GIPC2: variants seen among roughly 807,000 people sequenced by gnomAD.
The protein encoded by GIPC2 is GIPC PDZ domain containing family member 2.
Under a neutral mutation model 30.6 loss-of-function variants are expected in GIPC2, and 30 were observed. The observed-to-expected ratio is 0.98, with a 90% CI of 0.73 to 1.33. GIPC2 has a LOEUF of 1.33. Ranked by LOEUF, GIPC2 falls within the 40% of genes most tolerant of loss-of-function variation. The pLI, the probability that GIPC2 is intolerant of heterozygous loss-of-function variation, is 0.00. For synonymous variants in GIPC2, 167 were observed against 150.0 expected, an observed-to-expected ratio of 1.11 and a Z score of -0.83; for missense variants, 414 against 390.3, an observed-to-expected ratio of 1.06 and a Z score of -0.51.
At chr1:78,050,264 C>T (rs1661171490) in intron 1 of GIPC2, among the ~76,000 whole-genome samples, 2 of 152,278 alleles carry the variant, frequency 1.3e-5, no homozygotes, top group South Asian at 4.1e-4. Context: ...TAAACACTAA[C>T]CTGGAAAAAC....
chr1:78,060,422 G>A (rs1205284645), intron 1 of GIPC2, among the ~76,000 whole-genome samples: 1 of 152,084 alleles, frequency 6.6e-6, no homozygotes, highest in East Asian at 1.9e-4. Context: ...TGGGATTATA[G>A]GTGTGTACCA....
chr1:78,125,961 A>G lies in GIPC2; in HGVS notation c.795A>G (p.Leu265=). The G allele has an allele frequency of 7.0e-7, 1 of 1,420,980 alleles. No individual in the cohort carries two copies. The highest frequency in any genetic ancestry group is 1.0e-6 in the Non-Finnish European group (1 of 1,004,562). 88.0% of individuals were successfully genotyped at this position (1,420,980 alleles called of 1,614,324 possible). Reference sequence around the variant, plus strand: ...ACATGGGAATTCGAGATATTGATTTAGGTAAGATTATACTATTTAAAAAAG... The same window carrying G: ...ACATGGGAATTCGAGATATTGATTTGGGTAAGATTATACTATTTAAAAAAG... The part of the protein sequence containing the change: ...ELYMGIRDID[L]ATTMFEAGKD... The change falls in exon 5 of 6, where the codon TTA becomes TTG. Residue 265 remains leucine, a splice_region_variant and synonymous_variant. Coordinates refer to ENST00000370759, the MANE Select transcript of GIPC2 (RefSeq NM_017655.6).
At chr1:78,052,277 C>A (rs1661211225) in intron 1 of GIPC2, among the ~76,000 whole-genome samples, 1 of 152,176 alleles carries the variant, frequency 6.6e-6, no homozygotes, top group South Asian at 2.1e-4. Context: ...GCATACTATC[C>A]TATGTATATT....
At chr1:78,121,030 G>A (rs914338991) in intron 4 of GIPC2, among the ~76,000 whole-genome samples, 2 of 152,216 alleles carry the variant, frequency 1.3e-5, no homozygotes, top group Non-Finnish European at 2.9e-5. Context: ...GAAATCTTTG[G>A]TGCATTAATG....
chr1:78,091,932 T>C, intron 2 of GIPC2: 1 of 885,424 alleles, frequency 1.1e-6, no homozygotes. Context: ...CAACACTCTG[T>C]TCCTGTTCTT....
At chr1:78,065,532 T>TA (rs200044447) in intron 1 of GIPC2, among the ~76,000 whole-genome samples, 34,031 of 146,346 alleles carry the variant, frequency 0.23, 4,082 homozygotes, top group East Asian at 0.49. Flanking sequence ...TTCACAGAAT[T>TA]AAAAAAAAAA....
chr1:78,046,132 C>T lies in GIPC2; in HGVS notation c.38C>T (p.Ser13Phe). ...CTGCGGGGGAAGAAGAAGGCCAAGT[C>T]CAAGGAGACCGCCGGGCTGGTGGAG... The part of the protein sequence containing the change: ...LKLRGKKKAK[S>F]KETAGLVEGE... The change falls in exon 1 of 6, where the codon TCC becomes TTC. Residue 13 changes from serine (S) to phenylalanine (F), a missense_variant. Physicochemically the swap from Ser to Phe is radical, Grantham distance 155. Transcript: ENST00000370759. The T allele has an allele frequency of 6.6e-7, 1 of 1,526,372 alleles. No homozygotes were observed. The highest frequency in any genetic ancestry group is 1.2e-5 in the South Asian group (1 of 80,702). The allele number at this position is 1,526,372 out of a possible 1,614,324, so 94.6% of individuals were successfully genotyped here.
chr1:78,095,581 C>G (rs1045550182), intron 3 of GIPC2, among the ~76,000 whole-genome samples: 11 of 152,098 alleles, frequency 7.2e-5, no homozygotes, highest in African/African-American at 2.2e-4. Flanking sequence ...GACCCCCTTC[C>G]CCAATACCTT....
chr1:78,132,582 A>G (rs1215364901), intron 5 of GIPC2, among the ~76,000 whole-genome samples: 1 of 152,020 alleles, frequency 6.6e-6, no homozygotes, highest in Non-Finnish European at 1.5e-5. Context: ...GGCTTAGTGC[A>G]CTAGACAATG....
chr1:78,048,183 T>C (rs1037116079), intron 1 of GIPC2, among the ~76,000 whole-genome samples: 4 of 152,204 alleles, frequency 2.6e-5, no homozygotes, highest in Admixed American at 6.5e-5. Flanking sequence ...CCTTGGTAAG[T>C]AGAGGAGCAT....
intron 3 of GIPC2, among the ~76,000 whole-genome samples, chr1:78,114,087 G>A (rs1203100542): frequency 6.6e-6 from 1 of 152,158 alleles, no homozygotes; most frequent in African/African-American, 2.4e-5. Flanking sequence ...CTGTGGGAGC[G>A]GTTAGGCACC....
intron 1 of GIPC2, among the ~76,000 whole-genome samples, chr1:78,058,426 A>AT (rs909820227): frequency 5.9e-5 from 9 of 151,496 alleles, no homozygotes; most frequent in Non-Finnish European, 1.0e-4. Context: ...CTTTTAACTG[A>AT]TTTTTTTTTA....
chr1:78,090,333 T>C (rs1662015209), intron 2 of GIPC2, among the ~76,000 whole-genome samples: 1 of 152,122 alleles, frequency 6.6e-6, no homozygotes, highest in Non-Finnish European at 1.5e-5. Flanking sequence ...TAGCTGGGGT[T>C]ATAGGAATGT....
intron 5 of GIPC2, among the ~76,000 whole-genome samples, chr1:78,135,000 G>A (rs537670003): frequency 1.3e-5 from 2 of 152,262 alleles, no homozygotes; most frequent in African/African-American, 2.4e-5. Context: ...GAACAAGGCC[G>A]CCACTTTCAT....
intron 2 of GIPC2, among the ~76,000 whole-genome samples, chr1:78,082,903 C>A (rs1412453324): frequency 2.7e-5 from 4 of 150,542 alleles, no homozygotes; most frequent in African/African-American, 9.8e-5. Flanking sequence ...CAATTTTTAC[C>A]ATTTGCCATG....
chr1:78,105,960 G>T (rs1169327836), intron 3 of GIPC2, among the ~76,000 whole-genome samples: 1 of 152,096 alleles, frequency 6.6e-6, no homozygotes, highest in African/African-American at 2.4e-5. Context: ...GTGAGGCTGG[G>T]CGCGGTGGCT....
At chr1:78,073,573 C>T (rs1182177815) in intron 1 of GIPC2, among the ~76,000 whole-genome samples, 4 of 152,052 alleles carry the variant, frequency 2.6e-5, no homozygotes, top group African/African-American at 9.7e-5. Flanking sequence ...AATAATGTAA[C>T]TCTAGCTGCA....
intron 5 of GIPC2, among the ~76,000 whole-genome samples, chr1:78,128,729 A>G (rs897149954): frequency 9.2e-5 from 14 of 152,162 alleles, no homozygotes; most frequent in African/African-American, 3.4e-4. Flanking sequence ...AGGCATACAT[A>G]TTTGGCTTGA....
In GIPC2 at chr1:78,053,017, T is replaced by G. The variant is rs560659346; in HGVS notation, c.240+6683T>G. Among the ~76,000 whole-genome samples the G allele has an allele frequency of 5.3e-5, 8 of 152,340 alleles. No individual in the cohort carries two copies. The East Asian group carries it at 1.5e-3, about 29-fold the overall frequency. Reference sequence around the variant, plus strand: ...TAGAGAAAATAGGGTTTTACTGATTTGCATATAGCACCCCCTGCCCTGGAA... The same window carrying G: ...TAGAGAAAATAGGGTTTTACTGATTGGCATATAGCACCCCCTGCCCTGGAA... On this transcript the variant is annotated intron_variant, in intron 1 of 5. Transcript: ENST00000370759.
Sources: gnomAD v4.1 joint callset for allele counts (sites outside exome capture counted in the v4.1 genomes callset) on GRCh38, gnomAD v4.1.1 for gene constraint, MANE v1.5 for transcripts, NCBI Gene and HGNC (gene_info 2026-07-23, HGNC 2026-07-21) for gene names.